The following ALPK2 variants were observed in gnomAD, a reference collection of about 807,000 sequenced individuals.
The protein encoded by ALPK2 is alpha-protein kinase 2.
Under a neutral mutation model 163.1 loss-of-function variants are expected in ALPK2, and 127 were observed. The ratio of observed to expected loss-of-function variants is 0.78; its 90% CI spans 0.67 to 0.90. The LOEUF (loss-of-function observed/expected upper bound fraction) is 0.90, where lower values mean the gene tolerates loss of function less well. Ranked by LOEUF, ALPK2 falls within the 40% of genes least tolerant of loss-of-function variation. The probability of loss-of-function intolerance (pLI) is 0.00; values close to 1 mark genes in which losing one functional copy is unlikely to be tolerated. For missense variants in ALPK2, 2,360 were observed against 2,589.6 expected (o/e 0.91, Z 1.92); for synonymous variants, 953 against 959.1 (o/e 0.99, Z 0.12).
At chr18:58,554,472 T>A (rs898475121) in intron 4 of ALPK2, among the ~76,000 whole-genome samples, 1 of 152,228 alleles carries the variant, frequency 6.6e-6, no homozygotes, top group Non-Finnish European at 1.5e-5. Flanking sequence ...GCCCTGATCA[T>A]AAGACAGACA....
chr18:58,508,970 G>T (rs2051475422), intron 10 of ALPK2, among the ~76,000 whole-genome samples: 1 of 151,318 alleles, frequency 6.6e-6, no homozygotes, highest in South Asian at 2.1e-4. Context: ...TGCCATGTTG[G>T]TGTGCTGCAC....
intron 1 of ALPK2, among the ~76,000 whole-genome samples, chr18:58,617,804 G>A (rs1325500077): frequency 6.6e-6 from 1 of 152,208 alleles, no homozygotes; most frequent in African/African-American, 2.4e-5. Context: ...CAATCTTACA[G>A]TGTCAACCCA....
Position 58,501,245 on chromosome 18 carries a change from C to T in ALPK2, c.6247+2686G>A, listed in dbSNP as rs527999852. 8.5e-5 allele frequency among the ~76,000 whole-genome samples: 13 copies of T among 152,356 alleles called. No individual in the cohort carries two copies. In the East Asian group the frequency reaches 1.2e-3, roughly 14 times the overall value. On this transcript the variant is annotated intron_variant, in intron 11 of 12. Coordinates refer to ENST00000361673, the MANE Select transcript of ALPK2 (RefSeq NM_052947.4). ...TACTAGTACCTGGAAGTGAAACTAA[C>T]TGTGCATGAAGCCCTGGGTGCTGCT...
intron 4 of ALPK2, among the ~76,000 whole-genome samples, chr18:58,568,430 C>T (rs937065824): frequency 6.6e-6 from 1 of 152,144 alleles, no homozygotes; most frequent in African/African-American, 2.4e-5. Flanking sequence ...CTTGGAACCC[C>T]CCAGGATTTA....
At chr18:58,618,553 T>C (rs1318740624) in intron 1 of ALPK2, among the ~76,000 whole-genome samples, 1 of 152,228 alleles carries the variant, frequency 6.6e-6, no homozygotes. Context: ...TTGACCATTA[T>C]GGAATTTGAG....
At chr18:58,603,976 G>A (rs974956966) in intron 3 of ALPK2, among the ~76,000 whole-genome samples, 8 of 152,080 alleles carry the variant, frequency 5.3e-5, no homozygotes, top group Non-Finnish European at 1.2e-4. Context: ...TCTCTTCCCC[G>A]CCGTCTCACT....
At chr18:58,610,650 T>C (rs1459530610) in intron 2 of ALPK2, among the ~76,000 whole-genome samples, 1 of 152,150 alleles carries the variant, frequency 6.6e-6, no homozygotes, top group African/African-American at 2.4e-5. Context: ...AGTTTTAAGA[T>C]ATCAATTAGG....
chr18:58,548,329 T>C (rs1318794702), intron 4 of ALPK2, among the ~76,000 whole-genome samples: 1 of 150,268 alleles, frequency 6.7e-6, no homozygotes, highest in East Asian at 1.9e-4. Flanking sequence ...TGTGTTTTGT[T>C]TTTTTTTTTT....
At chr18:58,585,807 C>T (rs555946385) in intron 3 of ALPK2, among the ~76,000 whole-genome samples, 38 of 152,092 alleles carry the variant, frequency 2.5e-4, no homozygotes, top group African/African-American at 8.9e-4. Context: ...CCTCAGCCTC[C>T]CAAGTAGCTG....
chr18:58,482,712 G>A (rs2051317970), intron 12 of ALPK2, among the ~76,000 whole-genome samples: 1 of 152,152 alleles, frequency 6.6e-6, no homozygotes, highest in Non-Finnish European at 1.5e-5. Flanking sequence ...CCTTGGCCAG[G>A]AGTAGTCTCA....
At chr18:58,516,875 C>T (rs3809985) in intron 9 of ALPK2, 33 bp downstream of exon 9, 162,059 of 1,600,846 alleles carry the variant, frequency 0.1, 10,176 homozygotes, top group East Asian at 0.34. Flanking sequence ...GTTCTCACAC[C>T]AGAAGTGACA....
At chr18:58,596,433 C>T (rs1319045144) in intron 3 of ALPK2, among the ~76,000 whole-genome samples, 1 of 152,226 alleles carries the variant, frequency 6.6e-6, no homozygotes, top group Non-Finnish European at 1.5e-5. Flanking sequence ...GGAGCAGCCT[C>T]ATTAGGGCTG....
At chr18:58,539,261 TAGATGCCC>T (rs2051677086) in intron 4 of ALPK2, among the ~76,000 whole-genome samples, 1 of 151,794 alleles carries the variant, frequency 6.6e-6, no homozygotes, top group African/African-American at 2.4e-5. Context: ...GACTTTAAAA[TAGATGCCC>T]AGTGGCAGGC....
At chr18:58,510,555 T>C (rs947172271) in intron 10 of ALPK2, among the ~76,000 whole-genome samples, 1 of 152,208 alleles carries the variant, frequency 6.6e-6, no homozygotes, top group African/African-American at 2.4e-5. Flanking sequence ...TCCTCTTTGA[T>C]TACATTGAGC....
At chr18:58,490,934 G>A (rs2051371393) in intron 12 of ALPK2, among the ~76,000 whole-genome samples, 1 of 152,308 alleles carries the variant, frequency 6.6e-6, no homozygotes, top group Admixed American at 6.5e-5. Context: ...TATGCAGGAA[G>A]CACACAGTCC....
In ALPK2 at chr18:58,537,137, A is replaced by C. The variant is rs956205978; in HGVS notation, c.3050T>G (p.Val1017Gly). Residue 1017 changes from valine to glycine, a missense_variant, in exon 5 of 13, where the codon GTC (valine) becomes GGC (glycine). Val to Gly is a moderately radical substitution (Grantham distance 109, BLOSUM62 -3). Transcript: ENST00000361673. ...DTSTVTIATE[V>G]HPAKYLAVSI... Reference sequence around the variant, plus strand: ...CACAGCAAGGTATTTGGCTGGGTGGACTTCGGTGGCAATGGTAACAGTTGA... The same window carrying C: ...CACAGCAAGGTATTTGGCTGGGTGGCCTTCGGTGGCAATGGTAACAGTTGA... 5.0e-6 allele frequency: 8 copies of C among 1,613,966 alleles called. No individual in the cohort carries two copies. The highest frequency in any genetic ancestry group is 3.3e-5 in the Admixed American group (2 of 60,006).
rs1376771743 is a variant in ALPK2, at chr18:58,604,545, T to C, written c.227+2777A>G. On this transcript the variant is annotated intron_variant, in intron 3 of 12. Transcript: ENST00000361673. ...TCCCCAGGTGATACTAACGGGCAGCTAGAATTCAGAACTACCGGTATAAAA... is the reference window on the plus strand; with the variant it reads ...TCCCCAGGTGATACTAACGGGCAGCCAGAATTCAGAACTACCGGTATAAAA... Among the ~76,000 whole-genome samples the C allele has an allele frequency of 2.6e-5, 4 of 152,340 alleles. No homozygotes were observed. In the East Asian group the frequency reaches 7.7e-4, roughly 29 times the overall value.
intron 5 of ALPK2, among the ~76,000 whole-genome samples, 156 bp downstream of exon 5, chr18:58,534,678 A>G (rs1313084557): frequency 1.3e-5 from 2 of 152,180 alleles, no homozygotes; most frequent in African/African-American, 2.4e-5. Context: ...GGTGATTCTG[A>G]TGCCACATGC....
At chr18:58,504,228 G>A in intron 10 of ALPK2, 80 bp from the exon 11 acceptor site, 6 of 1,150,214 alleles carry the variant, frequency 5.2e-6, no homozygotes, top group Non-Finnish European at 7.6e-6. Flanking sequence ...CTCTCTCCTG[G>A]AGCAGCACGG....
Sources: allele counts gnomAD v4.1 joint callset (sites outside exome capture counted in the v4.1 genomes callset), GRCh38; gene constraint gnomAD v4.1.1; transcripts MANE v1.5; gene names NCBI Gene and HGNC (gene_info 2026-07-23, HGNC 2026-07-21).